Variants in KIAA1217 observed in about 807,000 individuals in gnomAD.
The protein encoded by KIAA1217 is sickle tail protein homolog.
In KIAA1217, 88 loss-of-function variants were observed where a neutral mutation model predicts 163.9. The ratio of observed to expected loss-of-function variants is 0.54; its 90% CI spans 0.45 to 0.64. The LOEUF is 0.64. KIAA1217 is among the 30% of genes least tolerant of loss of function. The pLI is 0.00. For missense variants in KIAA1217, 2,372 were observed against 2,475.0 expected (o/e 0.96, Z 0.88); for synonymous variants, 903 against 923.1 (o/e 0.98, Z 0.39).
intron 1 of KIAA1217, among the ~76,000 whole-genome samples, chr10:23,772,901 C>T (rs1356434341): frequency 6.6e-6 from 1 of 152,192 alleles, no homozygotes; most frequent in Non-Finnish European, 1.5e-5. Flanking sequence ...TACACACAAA[C>T]AGGGAGACAC....
At chr10:23,943,858 A>C (rs1843889708) in intron 1 of KIAA1217, among the ~76,000 whole-genome samples, 1 of 152,230 alleles carries the variant, frequency 6.6e-6, no homozygotes, top group South Asian at 2.1e-4. Context: ...CTACCTACAC[A>C]TGACGTGGAA....
intron 2 of KIAA1217, among the ~76,000 whole-genome samples, chr10:24,249,889 T>C (rs942564377): frequency 6.6e-6 from 1 of 152,194 alleles, no homozygotes; most frequent in African/African-American, 2.4e-5. Flanking sequence ...AGGTGTGCGC[T>C]GTGAAACCGG....
intron 5 of KIAA1217, among the ~76,000 whole-genome samples, chr10:24,448,253 G>GC (rs1043341727): frequency 2.0e-5 from 3 of 151,922 alleles, no homozygotes; most frequent in Non-Finnish European, 4.4e-5. Context: ...GCGTGGGGGG[G>GC]GCTGGAGTTT....
intron 1 of KIAA1217, among the ~76,000 whole-genome samples, chr10:23,752,638 C>T (rs1412409927): frequency 6.6e-6 from 1 of 152,140 alleles, no homozygotes; most frequent in Non-Finnish European, 1.5e-5. Context: ...CAATTTCCCT[C>T]AGGTATCATT....
intron 13 of KIAA1217, among the ~76,000 whole-genome samples, chr10:24,526,497 G>C (rs771034835): frequency 1.8e-4 from 27 of 152,150 alleles, no homozygotes; most frequent in African/African-American, 5.8e-4. Context: ...TCAGTATGAT[G>C]GCACTCTTAT....
chr10:24,454,962 G>A (rs994920878), intron 5 of KIAA1217, among the ~76,000 whole-genome samples: 4 of 152,092 alleles, frequency 2.6e-5, no homozygotes, highest in African/African-American at 9.7e-5. Flanking sequence ...AGATTTTACT[G>A]TATATATTTA....
At chr10:23,870,235 A>G (rs957245236) in intron 1 of KIAA1217, among the ~76,000 whole-genome samples, 4 of 152,094 alleles carry the variant, frequency 2.6e-5, no homozygotes, top group Admixed American at 6.6e-5. Flanking sequence ...GAAGCCACTG[A>G]GGGAATAGAT....
chr10:23,981,691 G>A (rs1012942923), intron 1 of KIAA1217, among the ~76,000 whole-genome samples: 1 of 152,042 alleles, frequency 6.6e-6, no homozygotes, highest in African/African-American at 2.4e-5. Flanking sequence ...CTTTACACAT[G>A]TCAAGACCAG....
chr10:23,828,792 A>C (rs1838030205), intron 1 of KIAA1217, among the ~76,000 whole-genome samples: 1 of 152,150 alleles, frequency 6.6e-6, no homozygotes, highest in South Asian at 2.1e-4. Context: ...AGGTGCATGT[A>C]ATTATTAGAA....
chr10:24,449,078 A>C lies in KIAA1217; in HGVS notation c.846+10599A>C, dbSNP rs139652021. ...TTATATTGTGCTTTTCTGGGAGGCA[A>C]AAAGATGTTTCTGTTATGATTGATA... On this transcript the variant is annotated intron_variant, in intron 5 of 20. Coordinates refer to ENST00000376454, the MANE Select transcript of KIAA1217 (RefSeq NM_019590.5). 2.6e-4 allele frequency among the ~76,000 whole-genome samples: 39 copies of C among 152,328 alleles called. No homozygotes were observed. In the East Asian group the frequency reaches 7.5e-3, roughly 29 times the overall value.
intron 2 of KIAA1217, among the ~76,000 whole-genome samples, chr10:24,343,735 A>C (rs1435745732): frequency 6.6e-6 from 1 of 152,206 alleles, no homozygotes; most frequent in Non-Finnish European, 1.5e-5. Context: ...ACGTTGTAAT[A>C]TTTGATCCTT....
At chr10:23,924,734 G>A (rs879293998) in intron 1 of KIAA1217, among the ~76,000 whole-genome samples, 99 of 152,178 alleles carry the variant, frequency 6.5e-4, no homozygotes, top group African/African-American at 2.1e-3. Context: ...AAAGAAAAGT[G>A]GTGCAGATGA....
chr10:23,844,936 T>G (rs1226253052), intron 1 of KIAA1217, among the ~76,000 whole-genome samples: 1 of 152,120 alleles, frequency 6.6e-6, no homozygotes, highest in African/African-American at 2.4e-5. Context: ...CCCCTCCATG[T>G]GTCCGTGTTA....
chr10:24,250,098 G>C (rs574366121), intron 2 of KIAA1217, among the ~76,000 whole-genome samples: 3 of 152,264 alleles, frequency 2.0e-5, no homozygotes, highest in African/African-American at 7.2e-5. Context: ...AAAAAGGCGT[G>C]GGGAGGGAGA....
chr10:23,792,356 C>T (rs1039058411), intron 1 of KIAA1217, among the ~76,000 whole-genome samples: 2 of 152,130 alleles, frequency 1.3e-5, no homozygotes, highest in Non-Finnish European at 2.9e-5. Flanking sequence ...TTGTTTTGAA[C>T]CATGAACAAA....
At chr10:24,182,433 C>T (rs1423383086) in intron 2 of KIAA1217, among the ~76,000 whole-genome samples, 1 of 144,478 alleles carries the variant, frequency 6.9e-6, no homozygotes, top group Non-Finnish European at 1.5e-5. Context: ...CAGAGCAAGA[C>T]TCCATCACAC....
intron 17 of KIAA1217, among the ~76,000 whole-genome samples, chr10:24,537,616 G>GA (rs907938130): frequency 6.6e-6 from 1 of 151,122 alleles, no homozygotes; most frequent in African/African-American, 2.4e-5. Context: ...ATTTGGGAAA[G>GA]AAAATGCATG....
At chr10:23,757,409 A>T (rs564255046) in intron 1 of KIAA1217, among the ~76,000 whole-genome samples, 16 of 152,150 alleles carry the variant, frequency 1.1e-4, no homozygotes, top group African/African-American at 2.9e-4. Context: ...GTTCTTAATT[A>T]AAAAAAATTA....
At chr10:23,770,971 ACT>A (rs1452291637) in intron 1 of KIAA1217, among the ~76,000 whole-genome samples, 1 of 151,728 alleles carries the variant, frequency 6.6e-6, no homozygotes, top group East Asian at 1.9e-4. Context: ...ACCCAACAAC[ACT>A]CTTTCTTTCT....
Sources: allele counts gnomAD v4.1 joint callset (sites outside exome capture counted in the v4.1 genomes callset), GRCh38; gene constraint gnomAD v4.1.1; transcripts MANE v1.5; gene names NCBI Gene and HGNC (gene_info 2026-07-23, HGNC 2026-07-21).